The following PRR5L variants were observed in gnomAD, a reference collection of about 807,000 sequenced individuals.
PRR5L encodes the protein proline-rich protein 5-like.
In PRR5L, 21 loss-of-function variants were observed where a neutral mutation model predicts 36.4. The observed-to-expected ratio is 0.58, with a 90% CI of 0.41 to 0.83. PRR5L has a LOEUF of 0.83. Among genes scored for constraint, PRR5L ranks in the 40% least tolerant of loss-of-function variants. The probability of loss-of-function intolerance (pLI) is 0.00; values close to 1 mark genes in which losing one functional copy is unlikely to be tolerated. For synonymous variants in PRR5L, 188 were observed against 197.0 expected, an observed-to-expected ratio of 0.95 and a Z score of 0.38; for missense variants, 381 against 473.3, an observed-to-expected ratio of 0.80 and a Z score of 1.81.
At chr11:36,378,589 G>A (rs1857317036) in intron 1 of PRR5L, among the ~76,000 whole-genome samples, 2 of 152,122 alleles carry the variant, frequency 1.3e-5, no homozygotes. Context: ...TGTTTCTCAA[G>A]GGTGGGACCT....
intron 1 of PRR5L, chr11:36,321,673 T>G (rs1368020574): frequency 6.6e-6 from 1 of 152,232 alleles, no homozygotes; most frequent in African/African-American, 2.4e-5. Flanking sequence ...TAATCCTCCG[T>G]GTTGTCGCTA....
chr11:36,329,583 T>A (rs972576992), intron 1 of PRR5L, among the ~76,000 whole-genome samples: 3 of 152,214 alleles, frequency 2.0e-5, no homozygotes, highest in African/African-American at 7.2e-5. Flanking sequence ...TTACCCTTGT[T>A]TATAAATAAG....
chr11:36,442,243 T>C (rs547820169), intron 6 of PRR5L, among the ~76,000 whole-genome samples: 15 of 152,382 alleles, frequency 9.8e-5, no homozygotes, highest in African/African-American at 2.6e-4. Context: ...CTGTTTTCCT[T>C]TTAATTATAA....
At chr11:36,424,228 C>T (rs1478355605) in intron 4 of PRR5L, among the ~76,000 whole-genome samples, 2 of 152,164 alleles carry the variant, frequency 1.3e-5, no homozygotes, top group East Asian at 3.8e-4. Flanking sequence ...AAGAAAGGAA[C>T]ACATGGGTAC....
intron 1 of PRR5L, among the ~76,000 whole-genome samples, chr11:36,322,813 G>C (rs1024574196): frequency 1.3e-5 from 2 of 152,132 alleles, no homozygotes; most frequent in Non-Finnish European, 2.9e-5. Context: ...GACCTTATTT[G>C]GGTCTTAATC....
intron 8 of PRR5L, among the ~76,000 whole-genome samples, chr11:36,451,617 T>C (rs1245169240): frequency 6.6e-6 from 1 of 152,218 alleles, no homozygotes; most frequent in Non-Finnish European, 1.5e-5. Context: ...ATCAGTGGCT[T>C]TGATCATTTT....
chr11:36,338,030 A>G (rs1303044070), intron 1 of PRR5L, among the ~76,000 whole-genome samples: 2 of 152,200 alleles, frequency 1.3e-5, no homozygotes, highest in African/African-American at 4.8e-5. Context: ...GAATTTGTGC[A>G]TAGGACTTTC....
chr11:36,456,714 T>G (rs1859065014), intron 8 of PRR5L, among the ~76,000 whole-genome samples: 1 of 152,264 alleles, frequency 6.6e-6, no homozygotes, highest in Non-Finnish European at 1.5e-5. Context: ...AAGCCATCAG[T>G]GGAGCACCTC....
intron 1 of PRR5L, among the ~76,000 whole-genome samples, chr11:36,330,334 CTTCATCAA>C (rs1364258093): frequency 1.3e-5 from 2 of 152,186 alleles, no homozygotes; most frequent in Non-Finnish European, 2.9e-5. Flanking sequence ...TTTAACTCTT[CTTCATCAA>C]TTCATTTAGT....
intron 3 of PRR5L, among the ~76,000 whole-genome samples, chr11:36,403,779 A>G (rs895851139): frequency 6.6e-6 from 1 of 152,180 alleles, no homozygotes; most frequent in African/African-American, 2.4e-5. Flanking sequence ...ACCAGCAAAC[A>G]TTTGAGTGCG....
chr11:36,439,097 C>T (rs1858667395), intron 6 of PRR5L, among the ~76,000 whole-genome samples: 1 of 152,140 alleles, frequency 6.6e-6, no homozygotes, highest in African/African-American at 2.4e-5. Context: ...CAGGAAAGAC[C>T]TGCATTTGTA....
chr11:36,340,768 C>T (rs1157815190), intron 1 of PRR5L, among the ~76,000 whole-genome samples: 2 of 152,126 alleles, frequency 1.3e-5, no homozygotes, highest in African/African-American at 4.8e-5. Flanking sequence ...TACAAAAACC[C>T]CAGAGCTGAT....
intron 7 of PRR5L, among the ~76,000 whole-genome samples, chr11:36,447,682 C>G (rs1028671649): frequency 2.6e-5 from 4 of 152,220 alleles, no homozygotes; most frequent in Non-Finnish European, 4.4e-5. Context: ...ATCCTTCCCC[C>G]ACATCCCCCA....
At chr11:36,423,630 T>C (rs908838643) in intron 4 of PRR5L, among the ~76,000 whole-genome samples, 7 of 152,136 alleles carry the variant, frequency 4.6e-5, no homozygotes, top group Non-Finnish European at 7.4e-5. Flanking sequence ...AAAGAGCTAA[T>C]TGGGTGAACA....
intron 8 of PRR5L, among the ~76,000 whole-genome samples, chr11:36,452,695 G>T (rs780973694): frequency 2.3e-4 from 35 of 152,242 alleles, no homozygotes; most frequent in African/African-American, 8.0e-4. Context: ...TGGGGGACTG[G>T]GGCATCCAGG....
rs1859227492 is a variant in PRR5L at position 36,463,163 on chromosome 11, A to G, written c.*427A>G. The stretch of plus-strand genomic sequence containing the variant: ...CTTTGGAGTTCCCCTTTAGGTTCCT[A>G]GTGATGTGGAGGTTTATGGGTGAAA... On this transcript the variant is annotated 3_prime_UTR_variant, in exon 9 of 9. Coordinates refer to ENST00000530639, the MANE Select transcript of PRR5L (RefSeq NM_001160167.2). The G allele has an allele frequency of 6.3e-6, 1 of 158,210 alleles. No individual in the cohort carries two copies. The highest frequency in any genetic ancestry group is 2.0e-4 in the South Asian group (1 of 4,892). The allele number at this position is 158,210 out of a possible 1,614,324, so 9.8% of individuals were successfully genotyped here. A position where few individuals can be genotyped will look rare whatever the true frequency, so the allele number is the denominator to read the frequency against.
chr11:36,447,693 G>C (rs1031803447), intron 7 of PRR5L, among the ~76,000 whole-genome samples: 2 of 152,184 alleles, frequency 1.3e-5, no homozygotes, highest in African/African-American at 4.8e-5. Flanking sequence ...ACATCCCCCA[G>C]CTGGTGCTCT....
intron 1 of PRR5L, among the ~76,000 whole-genome samples, chr11:36,341,036 A>G (rs114749506): frequency 0.012 from 1,842 of 152,220 alleles, 40 homozygotes; most frequent in African/African-American, 0.042. Flanking sequence ...AATGTAATCC[A>G]TCTCCATCCC....
Position 36,377,892 on chromosome 11 carries a change from G to A in PRR5L, c.-125-23105G>A, listed in dbSNP as rs369576499. 8.5e-5 allele frequency among the ~76,000 whole-genome samples: 13 copies of A among 152,318 alleles called. No individual in the cohort carries two copies. The highest frequency in any genetic ancestry group is 3.1e-4 in the African/African-American group (13 of 41,576). On this transcript the variant is annotated intron_variant, in intron 1 of 8. Transcript: ENST00000530639. This position sits in a 1 kb window ranked among gnomAD's most constrained non-coding sequence, Gnocchi z 5.1. ...GGAATCTCCGGGCTTCCCTGCTTGGGCAGAATTCTGGACCTGTTGCCCAGA... is the reference window on the plus strand; with the variant it reads ...GGAATCTCCGGGCTTCCCTGCTTGGACAGAATTCTGGACCTGTTGCCCAGA...
Sources: allele counts gnomAD v4.1 joint callset (sites outside exome capture counted in the v4.1 genomes callset), GRCh38; gene constraint gnomAD v4.1.1; non-coding constraint Gnocchi (gnomAD v3.1); transcripts MANE v1.5; gene names NCBI Gene and HGNC (gene_info 2026-07-23, HGNC 2026-07-21).